The following ATRNL1 variants were observed in gnomAD, a reference collection of about 807,000 sequenced individuals.
The protein encoded by ATRNL1 is attractin-like protein 1.
A neutral mutation model predicts 182.7 loss-of-function variants in ATRNL1; 95 were observed. The ratio of observed to expected loss-of-function variants is 0.52; its 90% confidence interval spans 0.44 to 0.62. The LOEUF is 0.62. Ranked by LOEUF, ATRNL1 falls within the 20% of genes least tolerant of loss-of-function variation. The pLI, the probability that ATRNL1 is intolerant of heterozygous loss-of-function variation, is 0.00. For synonymous variants in ATRNL1, 576 were observed against 568.3 expected, an observed-to-expected ratio of 1.01 and a Z score of -0.19; for missense variants, 1,471 against 1,679.5, an observed-to-expected ratio of 0.88 and a Z score of 2.17.
At chr10:115,521,796 C>G (rs1449097161) in intron 25 of ATRNL1, among the ~76,000 whole-genome samples, 1 of 152,096 alleles carries the variant, frequency 6.6e-6, no homozygotes, top group Non-Finnish European at 1.5e-5. Context: ...AATTAGATCA[C>G]TTAAAAAACT....
chr10:115,120,727 T>A (rs1289380315), intron 2 of ATRNL1, among the ~76,000 whole-genome samples: 3 of 152,134 alleles, frequency 2.0e-5, no homozygotes, highest in Non-Finnish European at 2.9e-5. Flanking sequence ...TTTAAATGTA[T>A]TGTGAATGGA....
At chr10:115,566,176 C>T in intron 26 of ATRNL1, among the ~76,000 whole-genome samples, 1 of 151,964 alleles carries the variant, frequency 6.6e-6, no homozygotes, top group African/African-American at 2.4e-5. Flanking sequence ...CTTAGGCAGT[C>T]CTTCTACCTC....
intron 26 of ATRNL1, among the ~76,000 whole-genome samples, chr10:115,667,930 G>A (rs1278120828): frequency 6.6e-6 from 1 of 152,058 alleles, no homozygotes; most frequent in Non-Finnish European, 1.5e-5. Flanking sequence ...CTCCCAAAGT[G>A]CTGGGATTAC....
chr10:115,503,928 G>T (rs1241775377), intron 24 of ATRNL1, among the ~76,000 whole-genome samples: 1 of 149,860 alleles, frequency 6.7e-6, no homozygotes, highest in Non-Finnish European at 1.5e-5. Flanking sequence ...TTATTTCCTG[G>T]TTCCTTTTAC....
At chr10:115,937,338 G>T (rs1256765311) in intron 28 of ATRNL1, among the ~76,000 whole-genome samples, 2 of 152,166 alleles carry the variant, frequency 1.3e-5, no homozygotes, top group African/African-American at 2.4e-5. Context: ...AGTTGTCACT[G>T]GTTTTTAGTA....
chr10:115,431,515 T>C (rs1357039233), intron 21 of ATRNL1, among the ~76,000 whole-genome samples: 1 of 152,196 alleles, frequency 6.6e-6, no homozygotes, highest in Non-Finnish European at 1.5e-5. Context: ...TTTGGTTGCT[T>C]ATTGCTACAG....
chr10:115,162,158 A>C (rs1554883449), intron 6 of ATRNL1, among the ~76,000 whole-genome samples: 1 of 151,996 alleles, frequency 6.6e-6, no homozygotes, highest in African/African-American at 2.4e-5. Flanking sequence ...CAAAAAAAAA[A>C]CACTATTACC....
chr10:115,730,203 G>A (rs1317709495), intron 27 of ATRNL1, among the ~76,000 whole-genome samples: 1 of 130,084 alleles, frequency 7.7e-6, no homozygotes, highest in Non-Finnish European at 1.5e-5. Flanking sequence ...GTTGCAGTGA[G>A]CCAAGATTGC....
At position 115,215,955 on chromosome 10, in the gene ATRNL1, CAT is replaced by C; in HGVS notation, c.1532+77_1532+78del. On this transcript the variant is annotated intron_variant, in intron 9 of 28. Coordinates refer to ENST00000355044, the MANE Select transcript of ATRNL1 (RefSeq NM_207303.4). ...TGATTGACTTTAAAATGGTTTCTGA[CAT>C]AGAAATACTTACTTTATATGCATTC... The C allele has an allele frequency of 3.5e-6, 4 of 1,140,636 alleles. No individual in the cohort carries two copies. In the South Asian group the frequency reaches 8.0e-5, roughly 23 times the overall value. 70.7% of individuals were successfully genotyped at this position (1,140,636 alleles called of 1,614,324 possible).
At chr10:115,746,033 G>C (rs116195474) in intron 27 of ATRNL1, among the ~76,000 whole-genome samples, 1 of 152,002 alleles carries the variant, frequency 6.6e-6, no homozygotes, top group Non-Finnish European at 1.5e-5. Flanking sequence ...TATAAGAAAA[G>C]AAATATTAAT....
chr10:115,380,760 G>T (rs1485974006), intron 19 of ATRNL1, among the ~76,000 whole-genome samples: 3 of 151,922 alleles, frequency 2.0e-5, no homozygotes, highest in African/African-American at 7.3e-5. Context: ...TTCAAATATG[G>T]CTATATCATA....
At chr10:115,269,826 G>A (rs371996312) in intron 13 of ATRNL1, among the ~76,000 whole-genome samples, 2 of 151,978 alleles carry the variant, frequency 1.3e-5, no homozygotes, top group African/African-American at 4.8e-5. Flanking sequence ...AAATTTGATT[G>A]TATAATTAAA....
chr10:115,268,072 A>C (rs79305208), intron 12 of ATRNL1, among the ~76,000 whole-genome samples: 1,777 of 152,154 alleles, frequency 0.012, 33 homozygotes, highest in African/African-American at 0.039. Flanking sequence ...AAAATGTGTG[A>C]ATTTAAAATG....
At chr10:115,292,945 G>A (rs1418768945) in intron 15 of ATRNL1, among the ~76,000 whole-genome samples, 1 of 152,124 alleles carries the variant, frequency 6.6e-6, no homozygotes, top group Non-Finnish European at 1.5e-5. Flanking sequence ...AATGCTGAGA[G>A]CATGGTGTTG....
intron 28 of ATRNL1, among the ~76,000 whole-genome samples, chr10:115,940,859 TGAA>T (rs1477196625): frequency 1.3e-5 from 2 of 152,168 alleles, no homozygotes; most frequent in East Asian, 3.9e-4. Context: ...ATATTTAACA[TGAA>T]GAAATGCAAA....
intron 27 of ATRNL1, among the ~76,000 whole-genome samples, chr10:115,825,155 A>G (rs1303069614): frequency 1.3e-5 from 2 of 152,206 alleles, no homozygotes; most frequent in Non-Finnish European, 2.9e-5. Flanking sequence ...CTGAAACATC[A>G]TTCTCAACAT....
chr10:115,789,177 G>T (rs1555081105), intron 27 of ATRNL1, among the ~76,000 whole-genome samples: 5 of 152,170 alleles, frequency 3.3e-5, no homozygotes. Context: ...GTCCCTGCAG[G>T]TTTTATGCCC....
intron 5 of ATRNL1, among the ~76,000 whole-genome samples, chr10:115,155,093 A>G (rs1309317306): frequency 6.6e-6 from 1 of 152,018 alleles, no homozygotes; most frequent in Non-Finnish European, 1.5e-5. Flanking sequence ...TTGACTTAAC[A>G]TCTGTTTTAT....
chr10:115,441,581 T>C (rs2134448034), intron 21 of ATRNL1, among the ~76,000 whole-genome samples: 1 of 152,102 alleles, frequency 6.6e-6, no homozygotes, highest in Middle Eastern at 3.4e-3. Context: ...ATCTAAATTT[T>C]GATGTTCCAA....
Sources: gnomAD v4.1 joint callset for allele counts (sites outside exome capture counted in the v4.1 genomes callset) on GRCh38, gnomAD v4.1.1 for gene constraint, MANE v1.5 for transcripts, NCBI Gene and HGNC (gene_info 2026-07-23, HGNC 2026-07-21) for gene names.